ANKS1B: variants seen among roughly 807,000 people sequenced by gnomAD.
ANKS1B encodes ankyrin repeat and sterile alpha motif domain-containing protein 1B.
Under a neutral mutation model 148.3 loss-of-function variants are expected in ANKS1B, and 36 were observed. The observed-to-expected ratio is 0.24, with a 90% CI of 0.19 to 0.32. The LOEUF (loss-of-function observed/expected upper bound fraction) is 0.32, where lower values mean the gene tolerates loss of function less well. ANKS1B is among the 10% of genes least tolerant of loss of function. The pLI is 1.00. For synonymous variants in ANKS1B, 542 were observed against 560.8 expected (o/e 0.97, Z 0.47); for missense variants, 1,157 against 1,542.6 (o/e 0.75, Z 4.19).
At chr12:98,937,895 G>GGAGA (rs35321454) in intron 17 of ANKS1B, among the ~76,000 whole-genome samples, 66 of 150,088 alleles carry the variant, frequency 4.4e-4, no homozygotes, top group South Asian at 2.6e-3. Flanking sequence ...CATGGCAGCA[G>GGAGA]GAGAGAGAGA....
At chr12:99,228,460 T>C (rs948100630) in intron 14 of ANKS1B, among the ~76,000 whole-genome samples, 2 of 151,998 alleles carry the variant, frequency 1.3e-5, no homozygotes, top group Admixed American at 6.6e-5. Context: ...CTGTATGTGA[T>C]TGAATGAAAT....
rs79193857 is a variant in ANKS1B at position 99,867,905 on chromosome 12, A to C, written c.135-42516T>G. On this transcript the variant is annotated intron_variant, in intron 1 of 26. Transcript: ENST00000683438. Reference sequence around the variant, plus strand: ...GCAAATCCTAATCGTGAACATGAGTACAAAACACCTGAACAAAATTTCAGC... The same window carrying C: ...GCAAATCCTAATCGTGAACATGAGTCCAAAACACCTGAACAAAATTTCAGC... Among the ~76,000 whole-genome samples the C allele has an allele frequency of 1.7e-3, 259 of 152,350 alleles. 8 individuals are homozygous for C. The East Asian group carries it at 0.041, about 24-fold the overall frequency.
intron 9 of ANKS1B, chr12:99,649,391 A>T: frequency 1.2e-6 from 2 of 1,610,294 alleles, no homozygotes; most frequent in Non-Finnish European, 8.5e-7. Flanking sequence ...TATACAATAG[A>T]GATATGAATC....
At chr12:98,955,881 G>A (rs142688868) in intron 17 of ANKS1B, among the ~76,000 whole-genome samples, 5 of 152,150 alleles carry the variant, frequency 3.3e-5, no homozygotes, top group East Asian at 1.9e-4. Flanking sequence ...TGGAATGAAC[G>A]AATAACCAGG....
intron 8 of ANKS1B, among the ~76,000 whole-genome samples, chr12:99,690,227 T>C (rs1000461640): frequency 1.3e-5 from 2 of 152,036 alleles, no homozygotes; most frequent in Non-Finnish European, 2.9e-5. Flanking sequence ...TCTTCACTCA[T>C]GGGGATTATG....
At chr12:99,018,433 C>T (rs2099943851) in intron 17 of ANKS1B, among the ~76,000 whole-genome samples, 1 of 152,194 alleles carries the variant, frequency 6.6e-6, no homozygotes, top group Admixed American at 6.5e-5. Flanking sequence ...TAGTCCATAA[C>T]ATTTTGATGC....
At chr12:99,759,081 G>A (rs542764480) in intron 8 of ANKS1B, among the ~76,000 whole-genome samples, 8 of 151,658 alleles carry the variant, frequency 5.3e-5, no homozygotes, top group East Asian at 3.9e-4. Flanking sequence ...ATTTCCTGTC[G>A]GATTTATTCC....
chr12:99,342,530 T>C (rs924751042), intron 12 of ANKS1B, among the ~76,000 whole-genome samples: 1 of 152,064 alleles, frequency 6.6e-6, no homozygotes, highest in Admixed American at 6.6e-5. Flanking sequence ...CTCTAGTAGA[T>C]GGTAGCTGTG....
intron 9 of ANKS1B, among the ~76,000 whole-genome samples, chr12:99,558,078 G>T (rs2097296020): frequency 6.6e-6 from 1 of 152,202 alleles, no homozygotes; most frequent in Non-Finnish European, 1.5e-5. Context: ...CGCTACAATG[G>T]AGAGTGTAAG....
chr12:99,657,444 C>T (rs1251609094), intron 8 of ANKS1B, among the ~76,000 whole-genome samples: 1 of 151,948 alleles, frequency 6.6e-6, no homozygotes, highest in Non-Finnish European at 1.5e-5. Context: ...TTCTGTTACA[C>T]GAGTAAAGTC....
chr12:98,735,187 G>A, exon 10 of ANKS1B: 1 of 398,900 alleles, frequency 2.5e-6, no homozygotes, highest in Non-Finnish European at 4.4e-6. Flanking sequence ...TCAAGAGGAG[G>A]ATTTTGTTTT....
chr12:99,944,275 C>T (rs1180592345), intron 1 of ANKS1B, among the ~76,000 whole-genome samples: 4 of 152,170 alleles, frequency 2.6e-5, no homozygotes, highest in African/African-American at 9.7e-5. Flanking sequence ...TGCAAGTTTG[C>T]CCCTGTGGCT....
At chr12:98,742,130 T>A (rs539891984), downstream of ANKS1B, among the ~76,000 whole-genome samples, 54 of 152,382 alleles carry the variant, frequency 3.5e-4, no homozygotes, top group Non-Finnish European at 5.4e-4. Context: ...TTAGCTCATC[T>A]GTACTCGTGA....
At chr12:99,923,276 A>C (rs1234245663) in intron 1 of ANKS1B, among the ~76,000 whole-genome samples, 1 of 152,192 alleles carries the variant, frequency 6.6e-6, no homozygotes, top group Non-Finnish European at 1.5e-5. Flanking sequence ...CTAATGTATA[A>C]ATAGAAGTTA....
chr12:99,903,110 G>A (rs927718067), intron 1 of ANKS1B, among the ~76,000 whole-genome samples: 5 of 152,280 alleles, frequency 3.3e-5, no homozygotes, highest in African/African-American at 9.6e-5. Context: ...AATGCCTAAT[G>A]CAGAGTAAAC....
At chr12:98,916,275 C>T (rs1567765972) in intron 17 of ANKS1B, among the ~76,000 whole-genome samples, 1 of 152,216 alleles carries the variant, frequency 6.6e-6, no homozygotes, top group Admixed American at 6.5e-5. Flanking sequence ...GATGTCACAG[C>T]GGAATATACA....
At chr12:98,754,425 A>C (rs1184700069) in intron 25 of ANKS1B, among the ~76,000 whole-genome samples, 2 of 152,032 alleles carry the variant, frequency 1.3e-5, no homozygotes, top group African/African-American at 2.4e-5. Flanking sequence ...AGGGCTTCCG[A>C]CTTCTGTAGT....
At chr12:99,584,286 T>C (rs2097601413) in intron 9 of ANKS1B, among the ~76,000 whole-genome samples, 1 of 152,204 alleles carries the variant, frequency 6.6e-6, no homozygotes, top group Non-Finnish European at 1.5e-5. Flanking sequence ...ATGGCTTTTA[T>C]GTGAAATTCT....
At chr12:99,050,416 T>C (rs937311133) in intron 17 of ANKS1B, among the ~76,000 whole-genome samples, 2 of 152,158 alleles carry the variant, frequency 1.3e-5, no homozygotes, top group Non-Finnish European at 2.9e-5. Context: ...TTAAATGACA[T>C]ACAAATCCTC....
Sources: allele counts gnomAD v4.1 joint callset (sites outside exome capture counted in the v4.1 genomes callset), GRCh38; gene constraint gnomAD v4.1.1; transcripts MANE v1.5; gene names NCBI Gene and HGNC (gene_info 2026-07-23, HGNC 2026-07-21).